Variants in PDE1A observed in about 807,000 individuals in gnomAD.
PDE1A encodes the protein phosphodiesterase 1A.
In PDE1A, 35 loss-of-function variants were observed where a neutral mutation model predicts 61.7. The ratio of observed to expected loss-of-function variants is 0.57; its 90% confidence interval spans 0.43 to 0.75. The LOEUF (loss-of-function observed/expected upper bound fraction) is 0.75, where lower values mean the gene tolerates loss of function less well. PDE1A is among the 30% of genes least tolerant of loss of function. The pLI, the probability that PDE1A is intolerant of heterozygous loss-of-function variation, is 0.00. For synonymous variants in PDE1A, 232 were observed against 213.2 expected, an observed-to-expected ratio of 1.09 and a Z score of -0.77; for missense variants, 597 against 630.6, an observed-to-expected ratio of 0.95 and a Z score of 0.57.
exon 15 of PDE1A, chr2:182,140,553 AAC>A (rs1690182670): frequency 6.6e-6 from 1 of 152,256 alleles, no homozygotes; most frequent in Admixed American, 6.5e-5. Flanking sequence ...GCATAATAAA[AAC>A]ACAAGAATTG....
At chr2:182,701,319 GC>G in the PDE1A span, among the ~76,000 whole-genome samples, 1 of 151,790 alleles carries the variant, frequency 6.6e-6, no homozygotes, top group South Asian at 2.1e-4. Context: ...ACAGGTGTGA[GC>G]CACCGCGCCC....
At chr2:182,697,639 G>A in the PDE1A span, among the ~76,000 whole-genome samples, 3 of 152,250 alleles carry the variant, frequency 2.0e-5, no homozygotes, top group Admixed American at 6.5e-5. Flanking sequence ...TACACAGTGA[G>A]TACCTGTGTT....
chr2:182,517,592 G>A (rs11677136), intron 2 of PDE1A, among the ~76,000 whole-genome samples: 10,034 of 152,328 alleles, frequency 0.066, 353 homozygotes, highest in Middle Eastern at 0.1. Context: ...AATAGGGAAG[G>A]TGGATTTTGT....
intron 13 of PDE1A, among the ~76,000 whole-genome samples, chr2:182,178,985 T>C (rs2125361968): frequency 6.6e-6 from 1 of 152,108 alleles, no homozygotes; most frequent in African/African-American, 2.4e-5. Flanking sequence ...TACCACAACA[T>C]TAGTCCCCAG....
At chr2:182,533,722 G>A in the PDE1A span, among the ~76,000 whole-genome samples, 2 of 152,050 alleles carry the variant, frequency 1.3e-5, no homozygotes, top group African/African-American at 2.4e-5. Context: ...AAAATTAGGA[G>A]GAGAGGACCA....
chr2:182,585,927 T>C, the PDE1A span, among the ~76,000 whole-genome samples: 564 of 152,282 alleles, frequency 3.7e-3, 3 homozygotes, highest in Non-Finnish European at 6.6e-3. Flanking sequence ...TTTAGATGCA[T>C]TTCATATATA....
At chr2:182,640,921 G>A in the PDE1A span, among the ~76,000 whole-genome samples, 1 of 148,572 alleles carries the variant, frequency 6.7e-6, no homozygotes, top group Non-Finnish European at 1.5e-5. Context: ...CTGGGAGGCT[G>A]AGGCAGGAGA....
At chr2:182,526,860 C>G (rs1229421186), upstream of PDE1A, among the ~76,000 whole-genome samples, 1 of 152,122 alleles carries the variant, frequency 6.6e-6, no homozygotes, top group South Asian at 2.1e-4. Flanking sequence ...GTAAGAGTCA[C>G]TAGACAAAAA....
the PDE1A span, among the ~76,000 whole-genome samples, chr2:182,559,961 G>A: frequency 1.3e-5 from 2 of 152,010 alleles, no homozygotes; most frequent in South Asian, 4.2e-4. Flanking sequence ...CCCTCAGTAT[G>A]GGTAGGGAGC....
At chr2:182,341,048 T>A (rs1301216519) in intron 1 of PDE1A, among the ~76,000 whole-genome samples, 2 of 152,228 alleles carry the variant, frequency 1.3e-5, no homozygotes, top group African/African-American at 4.8e-5. Context: ...AGTATGGTGC[T>A]GAGCATACAG....
chr2:182,276,069 A>C (rs1380588976), intron 1 of PDE1A, among the ~76,000 whole-genome samples: 3 of 152,024 alleles, frequency 2.0e-5, no homozygotes, highest in Admixed American at 1.3e-4. Flanking sequence ...TGACCAGAAA[A>C]ATCATTTCCT....
the PDE1A span, among the ~76,000 whole-genome samples, chr2:182,603,790 A>G: frequency 6.6e-6 from 1 of 152,206 alleles, no homozygotes; most frequent in Non-Finnish European, 1.5e-5. Flanking sequence ...ACTCAGGTCA[A>G]CAAGAAACAT....
intron 1 of PDE1A, among the ~76,000 whole-genome samples, chr2:182,392,753 G>C (rs1334479458): frequency 6.6e-6 from 1 of 152,270 alleles, no homozygotes; most frequent in African/African-American, 2.4e-5. Flanking sequence ...CAGGCCCCAT[G>C]CAAGTTTGAA....
the PDE1A span, among the ~76,000 whole-genome samples, chr2:182,550,456 G>C: frequency 6.6e-6 from 1 of 152,122 alleles, no homozygotes; most frequent in Non-Finnish European, 1.5e-5. Context: ...TTCCAGCCAA[G>C]CCAGACTCTT....
chr2:182,614,492 T>G, the PDE1A span, among the ~76,000 whole-genome samples: 3 of 152,152 alleles, frequency 2.0e-5, no homozygotes, highest in African/African-American at 7.2e-5. Flanking sequence ...AAAACATTTT[T>G]CTTTGCTATA....
At chr2:182,481,264 T>G (rs903474462) in intron 2 of PDE1A, among the ~76,000 whole-genome samples, 1 of 151,870 alleles carries the variant, frequency 6.6e-6, no homozygotes, top group Non-Finnish European at 1.5e-5. Flanking sequence ...GTTTTATGTT[T>G]AGGCCTCAAG....
the PDE1A span, among the ~76,000 whole-genome samples, chr2:182,639,288 G>A: frequency 3.3e-5 from 5 of 152,090 alleles, no homozygotes; most frequent in Non-Finnish European, 7.4e-5. Flanking sequence ...GAAAGAAAGT[G>A]AGGATTAAAA....
intron 2 of PDE1A, among the ~76,000 whole-genome samples, chr2:182,245,505 C>T (rs1010592128): frequency 1.7e-4 from 26 of 151,834 alleles, no homozygotes; most frequent in South Asian, 4.2e-4. Flanking sequence ...ATCTATTCAA[C>T]CTTCCTTCCT....
chr2:182,347,536 C>T (rs1698593163), intron 1 of PDE1A, among the ~76,000 whole-genome samples: 1 of 152,060 alleles, frequency 6.6e-6, no homozygotes, highest in East Asian at 1.9e-4. Context: ...GCCTCTGGTA[C>T]AATCATGGAT....
Sources: gnomAD v4.1 joint callset for allele counts (sites outside exome capture counted in the v4.1 genomes callset) on GRCh38, gnomAD v4.1.1 for gene constraint, MANE v1.5 for transcripts, NCBI Gene and HGNC (gene_info 2026-07-23, HGNC 2026-07-21) for gene names.